The following ANGPT1 variants were observed in gnomAD, a reference collection of about 807,000 sequenced individuals.
The protein encoded by ANGPT1 is angiopoietin 1.
Under a neutral mutation model 62.2 loss-of-function variants are expected in ANGPT1, and 17 were observed. That is an observed-to-expected ratio of 0.27 (90% CI 0.19 to 0.41). ANGPT1 has a LOEUF of 0.41. Ranked by LOEUF, ANGPT1 falls within the 10% of genes least tolerant of loss-of-function variation. The pLI is 1.00. For missense variants in ANGPT1, 478 were observed against 594.9 expected (o/e 0.80, Z 2.04); for synonymous variants, 199 against 198.9 (o/e 1.00, Z 0.00).
At chr8:107,409,150 C>A (rs1163970306) in intron 1 of ANGPT1, among the ~76,000 whole-genome samples, 5 of 152,146 alleles carry the variant, frequency 3.3e-5, no homozygotes, top group Non-Finnish European at 5.9e-5. Flanking sequence ...TCAGATGTGG[C>A]AAGAAATATT....
intron 1 of ANGPT1, among the ~76,000 whole-genome samples, chr8:107,463,243 T>A (rs888767326): frequency 6.6e-6 from 1 of 152,084 alleles, no homozygotes; most frequent in Non-Finnish European, 1.5e-5. Context: ...AGAAGCTGAA[T>A]CCGAGTGAGC....
intron 2 of ANGPT1, among the ~76,000 whole-genome samples, chr8:107,345,785 A>G (rs1043107460): frequency 6.6e-6 from 1 of 152,210 alleles, no homozygotes; most frequent in Non-Finnish European, 1.5e-5. Context: ...AGTTCCGTCC[A>G]TCTCCCATGT....
chr8:107,281,568 G>A (rs1205243273), intron 7 of ANGPT1, among the ~76,000 whole-genome samples: 2 of 152,078 alleles, frequency 1.3e-5, no homozygotes, highest in Non-Finnish European at 2.9e-5. Flanking sequence ...CACGAGATCA[G>A]GAGATCGAGT....
At chr8:107,311,001 G>T (rs566906161) in intron 4 of ANGPT1, among the ~76,000 whole-genome samples, 1 of 150,700 alleles carries the variant, frequency 6.6e-6, no homozygotes, top group Non-Finnish European at 1.5e-5. Flanking sequence ...GTATGTGTGT[G>T]ACTGTGTGTA....
At chr8:107,349,597 T>C (rs1815889355) in intron 1 of ANGPT1, among the ~76,000 whole-genome samples, 1 of 152,152 alleles carries the variant, frequency 6.6e-6, no homozygotes, top group South Asian at 2.1e-4. Flanking sequence ...CGTGTTTTCC[T>C]TTTATAATCA....
intron 1 of ANGPT1, among the ~76,000 whole-genome samples, chr8:107,409,935 A>G (rs537571166): frequency 7.6e-6 from 1 of 131,376 alleles, no homozygotes; most frequent in Non-Finnish European, 1.6e-5. Context: ...AATATATGTG[A>G]TGAATCCATC....
chr8:107,335,625 AT>A (rs1396520877), intron 3 of ANGPT1, among the ~76,000 whole-genome samples: 2 of 152,192 alleles, frequency 1.3e-5, no homozygotes, highest in African/African-American at 4.8e-5. Flanking sequence ...ATGGCTGTAA[AT>A]GACAACTAAA....
chr8:107,323,596 G>A (rs766636110), intron 3 of ANGPT1, among the ~76,000 whole-genome samples: 1 of 152,160 alleles, frequency 6.6e-6, no homozygotes, highest in South Asian at 2.1e-4. Flanking sequence ...TGAGGGAATC[G>A]AGAGAAGTCC....
intron 3 of ANGPT1, among the ~76,000 whole-genome samples, chr8:107,334,437 C>G (rs1815512515): frequency 6.6e-6 from 1 of 152,048 alleles, no homozygotes; most frequent in East Asian, 1.9e-4. Context: ...TAAGGTATGA[C>G]AGAACTTTTT....
At chr8:107,408,907 A>T (rs903694928) in intron 1 of ANGPT1, among the ~76,000 whole-genome samples, 10 of 152,214 alleles carry the variant, frequency 6.6e-5, no homozygotes, top group African/African-American at 2.4e-4. Context: ...AGGACATGAG[A>T]CACTATCACT....
At chr8:107,351,156 T>C (rs140773447) in intron 1 of ANGPT1, among the ~76,000 whole-genome samples, 266 of 152,228 alleles carry the variant, frequency 1.7e-3, no homozygotes, top group African/African-American at 6.0e-3. Flanking sequence ...TATACTGCCA[T>C]GCCAGAGTTT....
intron 1 of ANGPT1, among the ~76,000 whole-genome samples, chr8:107,489,812 G>A (rs1028789762): frequency 6.6e-6 from 1 of 152,032 alleles, no homozygotes; most frequent in African/African-American, 2.4e-5. Context: ...CAAAACCAAA[G>A]GGGGTTTGGA....
chr8:107,426,315 G>A (rs549135020), intron 1 of ANGPT1, among the ~76,000 whole-genome samples: 8 of 152,172 alleles, frequency 5.3e-5, no homozygotes, highest in African/African-American at 1.9e-4. Context: ...CCCAGTACCA[G>A]GAAAGGTTTC....
intron 1 of ANGPT1, among the ~76,000 whole-genome samples, chr8:107,475,262 G>A (rs1812486566): frequency 1.3e-5 from 2 of 152,224 alleles, no homozygotes; most frequent in Non-Finnish European, 2.9e-5. Flanking sequence ...ACAGAACAGA[G>A]CCCACAGAAA....
At chr8:107,302,209 G>A (rs890961683) in intron 5 of ANGPT1, among the ~76,000 whole-genome samples, 2 of 151,882 alleles carry the variant, frequency 1.3e-5, no homozygotes, top group African/African-American at 4.8e-5. Flanking sequence ...AGTTGCCTGA[G>A]GGAATCAGAG....
intron 4 of ANGPT1, among the ~76,000 whole-genome samples, chr8:107,309,524 G>A (rs751059665): frequency 6.6e-6 from 1 of 152,164 alleles, no homozygotes; most frequent in Non-Finnish European, 1.5e-5. Flanking sequence ...ATCTTTAAAA[G>A]TGGAAGAAGG....
chr8:107,411,135 T>C (rs568797601), intron 1 of ANGPT1, among the ~76,000 whole-genome samples: 1 of 152,214 alleles, frequency 6.6e-6, no homozygotes, highest in South Asian at 2.1e-4. Flanking sequence ...ATAATTCTGC[T>C]ATTTTTGTTT....
chr8:107,340,904 A>T (rs899784971), intron 2 of ANGPT1, among the ~76,000 whole-genome samples: 5 of 152,088 alleles, frequency 3.3e-5, no homozygotes, highest in African/African-American at 1.2e-4. Context: ...ATAAAATATG[A>T]TGCCTTGGCA....
chr8:107,412,718 G>T (rs1292658924), intron 1 of ANGPT1, among the ~76,000 whole-genome samples: 1 of 152,116 alleles, frequency 6.6e-6, no homozygotes, highest in Non-Finnish European at 1.5e-5. Flanking sequence ...ACACTTGAAA[G>T]AGATCATTAC....
Sources: gnomAD v4.1 joint callset for allele counts (sites outside exome capture counted in the v4.1 genomes callset) on GRCh38, gnomAD v4.1.1 for gene constraint, MANE v1.5 for transcripts, NCBI Gene and HGNC (gene_info 2026-07-23, HGNC 2026-07-21) for gene names.